The following CIRSR variants were observed in gnomAD, a reference collection of about 807,000 sequenced individuals.
The protein encoded by CIRSR is corepressor of RBPJ and splicing regulator, also known as CBF1 (RBPJ) interacting corepressor 1.
the CIRSR span, among the ~76,000 whole-genome samples, chr2:174,354,435 T>C: frequency 2.2e-5 from 1 of 45,752 alleles, no homozygotes; most frequent in African/African-American, 6.6e-5. Flanking sequence ...TTATATGATA[T>C]ATATAATATA....
chr2:174,354,396 T>C, the CIRSR span, among the ~76,000 whole-genome samples: 1 of 104,630 alleles, frequency 9.6e-6, no homozygotes, highest in Non-Finnish European at 1.8e-5. Context: ...TATGTACATA[T>C]ATATTTTATA....
the CIRSR span, among the ~76,000 whole-genome samples, chr2:174,353,225 C>A: frequency 6.6e-6 from 1 of 152,106 alleles, no homozygotes; most frequent in African/African-American, 2.4e-5. Context: ...GGAAAAAAAG[C>A]CTTATTTAGT....
At chr2:174,371,858 T>C in the CIRSR span, among the ~76,000 whole-genome samples, 1 of 152,204 alleles carries the variant, frequency 6.6e-6, no homozygotes, top group East Asian at 1.9e-4. Flanking sequence ...AGGAGTGTGA[T>C]TATCCCATGA....
chr2:174,382,867 T>C, the CIRSR span, among the ~76,000 whole-genome samples: 1 of 152,010 alleles, frequency 6.6e-6, no homozygotes, highest in Non-Finnish European at 1.5e-5. Context: ...CAAGTAAAAA[T>C]AATAAAGAAG....
At chr2:174,357,297 ATT>A in the CIRSR span, among the ~76,000 whole-genome samples, 112 of 152,248 alleles carry the variant, frequency 7.4e-4, 2 homozygotes, top group East Asian at 0.018. Context: ...TTATTAAATT[ATT>A]TTGATATTTT....
chr2:174,355,996 T>C, the CIRSR span, among the ~76,000 whole-genome samples: 29 of 152,078 alleles, frequency 1.9e-4, no homozygotes, highest in Non-Finnish European at 1.5e-5. Flanking sequence ...ATGGTCTTGA[T>C]CTCCTGACCT....
the CIRSR span, among the ~76,000 whole-genome samples, chr2:174,383,497 A>G: frequency 6.6e-6 from 1 of 152,004 alleles, no homozygotes; most frequent in Non-Finnish European, 1.5e-5. Context: ...AGGCGGGTGG[A>G]TCACCTCAGG....
At chr2:174,389,512 G>A in the CIRSR span, among the ~76,000 whole-genome samples, 2 of 152,140 alleles carry the variant, frequency 1.3e-5, no homozygotes, top group Non-Finnish European at 2.9e-5. Flanking sequence ...GCATTCAAGA[G>A]GAAGCACAGC....
At chr2:174,366,945 T>G in the CIRSR span, among the ~76,000 whole-genome samples, 1 of 152,270 alleles carries the variant, frequency 6.6e-6, no homozygotes, top group East Asian at 1.9e-4. Context: ...GCTAAAAAAA[T>G]TTTTAGAGTA....
chr2:174,357,607 T>A, the CIRSR span, among the ~76,000 whole-genome samples: 2 of 152,200 alleles, frequency 1.3e-5, no homozygotes. Flanking sequence ...ATCTAGCGAA[T>A]AAGCCAGTCC....
the CIRSR span, among the ~76,000 whole-genome samples, chr2:174,364,364 A>C: frequency 6.6e-6 from 1 of 152,316 alleles, no homozygotes; most frequent in Non-Finnish European, 1.5e-5. Flanking sequence ...GCTGGCGTTG[A>C]GCACCTGCAG....
the CIRSR span, among the ~76,000 whole-genome samples, chr2:174,393,556 T>C: frequency 5.8e-3 from 878 of 152,244 alleles, 10 homozygotes; most frequent in African/African-American, 0.02. Flanking sequence ...TTGTTGCCTA[T>C]GCTGGTCTTG....
the CIRSR span, among the ~76,000 whole-genome samples, chr2:174,372,162 C>T: frequency 6.6e-6 from 1 of 152,116 alleles, no homozygotes; most frequent in Non-Finnish European, 1.5e-5. Flanking sequence ...ACTTTAAAGG[C>T]ATTAATTGAG....
the CIRSR span, among the ~76,000 whole-genome samples, chr2:174,382,862 A>G: frequency 6.6e-6 from 1 of 152,214 alleles, no homozygotes; most frequent in Admixed American, 6.5e-5. Context: ...AGATCCAAGT[A>G]AAAATAATAA....
chr2:174,355,074 A>G, the CIRSR span, among the ~76,000 whole-genome samples: 2 of 152,092 alleles, frequency 1.3e-5, no homozygotes, highest in Non-Finnish European at 2.9e-5. Flanking sequence ...GAAACAAGTC[A>G]GGTTTAATCA....
At chr2:174,372,101 TAA>T in the CIRSR span, among the ~76,000 whole-genome samples, 1 of 152,234 alleles carries the variant, frequency 6.6e-6, no homozygotes, top group Non-Finnish European at 1.5e-5. Flanking sequence ...GAGAAATCTT[TAA>T]GAGTTTCTAT....
chr2:174,350,620 A>C, the CIRSR span: 2 of 1,341,834 alleles, frequency 1.5e-6, no homozygotes, highest in Non-Finnish European at 2.1e-6. Context: ...ATGAATACTA[A>C]GGAAAAAATA....
At chr2:174,368,768 T>C in the CIRSR span, among the ~76,000 whole-genome samples, 1 of 152,226 alleles carries the variant, frequency 6.6e-6, no homozygotes, top group Admixed American at 6.5e-5. Flanking sequence ...AGGTGCATTG[T>C]AAATGAGCAG....
At chr2:174,370,119 C>G in the CIRSR span, 1 of 1,291,924 alleles carries the variant, frequency 7.7e-7, no homozygotes, top group South Asian at 1.2e-5. Context: ...CTGAGTTCAA[C>G]GGCGGGCATA....
Sources: allele counts gnomAD v4.1 joint callset (sites outside exome capture counted in the v4.1 genomes callset), GRCh38; gene constraint gnomAD v4.1.1; transcripts MANE v1.5; gene names NCBI Gene and HGNC (gene_info 2026-07-23, HGNC 2026-07-21).